Variants in PBX3 observed in about 807,000 individuals in gnomAD.
PBX3 encodes pre-B-cell leukemia transcription factor 3.
PBX3 carries 14 observed loss-of-function variants against 48.5 expected under a neutral mutation model. The ratio of observed to expected loss-of-function variants is 0.29; its 90% CI spans 0.19 to 0.45. PBX3 has a LOEUF of 0.45. Among genes scored for constraint, PBX3 ranks in the 20% least tolerant of loss-of-function variants. The probability of loss-of-function intolerance (pLI) is 1.00; values close to 1 mark genes in which losing one functional copy is unlikely to be tolerated. For missense variants in PBX3, 386 were observed against 546.7 expected (o/e 0.71, Z 2.93); for synonymous variants, 210 against 200.3 (o/e 1.05, Z -0.41).
chr9:125,959,905 G>A (rs769861631), intron 5 of PBX3, among the ~76,000 whole-genome samples: 1 of 152,136 alleles, frequency 6.6e-6, no homozygotes, highest in Non-Finnish European at 1.5e-5. Flanking sequence ...GTAACTCTGA[G>A]CCATGATTCT....
At chr9:125,823,175 C>T (rs865948818) in intron 2 of PBX3, among the ~76,000 whole-genome samples, 2 of 152,088 alleles carry the variant, frequency 1.3e-5, no homozygotes, top group African/African-American at 4.8e-5. Flanking sequence ...AGTGGAGAAA[C>T]GAACATTCTC....
At chr9:125,947,302 T>A (rs1381873081) in intron 5 of PBX3, among the ~76,000 whole-genome samples, 1 of 152,160 alleles carries the variant, frequency 6.6e-6, no homozygotes, top group Non-Finnish European at 1.5e-5. Flanking sequence ...AAAATAAAGA[T>A]AATGTCTTAT....
chr9:125,816,535 T>G (rs1278869090), intron 2 of PBX3, among the ~76,000 whole-genome samples: 1 of 152,238 alleles, frequency 6.6e-6, no homozygotes, highest in East Asian at 1.9e-4. Flanking sequence ...GGAATGTATA[T>G]TACTCTTGTT....
At chr9:125,765,728 A>G (rs554803691) in intron 2 of PBX3, among the ~76,000 whole-genome samples, 5 of 152,120 alleles carry the variant, frequency 3.3e-5, no homozygotes, top group Non-Finnish European at 7.4e-5. Flanking sequence ...CCCAATTATC[A>G]CTATTTTTTG....
intron 2 of PBX3, among the ~76,000 whole-genome samples, chr9:125,816,429 G>C (rs1324225716): frequency 6.6e-6 from 1 of 152,210 alleles, no homozygotes; most frequent in Non-Finnish European, 1.5e-5. Flanking sequence ...TTGCTTTTTA[G>C]TTGTCTTCAA....
At chr9:125,936,428 C>G (rs1317772821) in intron 5 of PBX3, among the ~76,000 whole-genome samples, 1 of 152,154 alleles carries the variant, frequency 6.6e-6, no homozygotes, top group African/African-American at 2.4e-5. Context: ...GTTTACCAAC[C>G]AGTTTTTGTA....
chr9:125,788,712 A>G (rs988405369), intron 2 of PBX3, among the ~76,000 whole-genome samples: 3 of 152,098 alleles, frequency 2.0e-5, no homozygotes, highest in Admixed American at 1.3e-4. Context: ...GTCTCTACTA[A>G]AAAACACAAA....
chr9:125,924,008 G>T (rs1488265536), intron 3 of PBX3, among the ~76,000 whole-genome samples: 2 of 151,670 alleles, frequency 1.3e-5, no homozygotes, highest in Non-Finnish European at 2.9e-5. Context: ...GGGACCACAG[G>T]TGTGTGCTAC....
intron 2 of PBX3, among the ~76,000 whole-genome samples, chr9:125,828,480 C>G (rs1434284103): frequency 1.3e-5 from 2 of 152,130 alleles, no homozygotes; most frequent in East Asian, 3.8e-4. Flanking sequence ...ATTCTGTATT[C>G]TAAGCCAATT....
At chr9:125,910,499 T>G (rs1265154976) in intron 2 of PBX3, among the ~76,000 whole-genome samples, 2 of 151,978 alleles carry the variant, frequency 1.3e-5, no homozygotes, top group Non-Finnish European at 2.9e-5. Flanking sequence ...AGTGCTGCAT[T>G]TTTCCTCAAT....
At chr9:125,924,340 C>A (rs2132494881) in intron 3 of PBX3, among the ~76,000 whole-genome samples, 1 of 152,312 alleles carries the variant, frequency 6.6e-6, no homozygotes, top group South Asian at 2.1e-4. Flanking sequence ...CTTCTACAGT[C>A]AACTGTTGTC....
chr9:125,878,423 C>T (rs7849076), intron 2 of PBX3, among the ~76,000 whole-genome samples: 111,249 of 152,202 alleles, frequency 0.73, 41,106 homozygotes, highest in African/African-American at 0.81. Context: ...ATAACCTCTC[C>T]TGATTAGGCC....
intron 2 of PBX3, among the ~76,000 whole-genome samples, chr9:125,802,486 A>G (rs541072229): frequency 6.8e-6 from 1 of 147,796 alleles, no homozygotes; most frequent in East Asian, 2.0e-4. Flanking sequence ...CTCCCACCTC[A>G]GCCTCCCAAG....
chr9:125,795,549 A>G (rs1417513251), intron 2 of PBX3, among the ~76,000 whole-genome samples: 1 of 152,198 alleles, frequency 6.6e-6, no homozygotes, highest in African/African-American at 2.4e-5. Context: ...TCAGTTCAAC[A>G]ATCATATACA....
At chr9:125,790,685 C>T (rs918995280) in intron 2 of PBX3, among the ~76,000 whole-genome samples, 1 of 152,082 alleles carries the variant, frequency 6.6e-6, no homozygotes, top group South Asian at 2.1e-4. Context: ...TCTTTTGCTT[C>T]AGCCTCCCCA....
intron 2 of PBX3, among the ~76,000 whole-genome samples, chr9:125,896,279 TA>T (rs1238317515): frequency 1.3e-5 from 2 of 151,728 alleles, no homozygotes; most frequent in Admixed American, 1.3e-4. Context: ...AAACCTAGAA[TA>T]AAAAAAACTA....
At chr9:125,803,513 C>T (rs1838030939) in intron 2 of PBX3, among the ~76,000 whole-genome samples, 2 of 151,996 alleles carry the variant, frequency 1.3e-5, no homozygotes, top group South Asian at 4.2e-4. Flanking sequence ...TGGAACAATT[C>T]CTTAACCTCT....
intron 2 of PBX3, among the ~76,000 whole-genome samples, chr9:125,860,062 T>C (rs1303018012): frequency 6.6e-6 from 1 of 152,206 alleles, no homozygotes; most frequent in African/African-American, 2.4e-5. Flanking sequence ...AACCTCCAAA[T>C]CTTTATGGCA....
At chr9:125,789,470 C>G (rs930764104) in intron 2 of PBX3, among the ~76,000 whole-genome samples, 22 of 152,304 alleles carry the variant, frequency 1.4e-4, no homozygotes, top group African/African-American at 4.8e-4. Context: ...TGACTGATGG[C>G]CAGAGACATC....
Sources: gnomAD v4.1 joint callset for allele counts (sites outside exome capture counted in the v4.1 genomes callset) on GRCh38, gnomAD v4.1.1 for gene constraint, MANE v1.5 for transcripts, NCBI Gene and HGNC (gene_info 2026-07-23, HGNC 2026-07-21) for gene names.